The following BMAL2 variants were observed in gnomAD, a reference collection of about 807,000 sequenced individuals.
BMAL2 encodes the protein basic helix-loop-helix ARNT-like protein 2.
chr12:27,419,267 G>A, the BMAL2 span, among the ~76,000 whole-genome samples: 1 of 152,202 alleles, frequency 6.6e-6, no homozygotes, highest in African/African-American at 2.4e-5. Flanking sequence ...TACCACAGAT[G>A]GAGTAATTTG....
chr12:27,415,513 C>T, the BMAL2 span, among the ~76,000 whole-genome samples: 1 of 152,154 alleles, frequency 6.6e-6, no homozygotes, highest in Non-Finnish European at 1.5e-5. Context: ...TCTTTCCTTA[C>T]TCTTGGTTCT....
chr12:27,415,875 G>T, the BMAL2 span: 1 of 1,603,582 alleles, frequency 6.2e-7, no homozygotes, highest in South Asian at 1.1e-5. Flanking sequence ...AAAGGTTACA[G>T]TCTTCTTCAT....
the BMAL2 span, chr12:27,420,253 C>T: frequency 1.0e-6 from 1 of 974,320 alleles, no homozygotes; most frequent in Non-Finnish European, 1.5e-6. Flanking sequence ...AAGATATATA[C>T]TTTGCCTTCA....
the BMAL2 span, among the ~76,000 whole-genome samples, chr12:27,336,676 C>T: frequency 7.8e-4 from 118 of 152,198 alleles, no homozygotes; most frequent in Admixed American, 3.3e-4. Context: ...CCTGGCTGGG[C>T]GCGGTGGCTC....
At chr12:27,400,116 T>C in the BMAL2 span, among the ~76,000 whole-genome samples, 1 of 152,266 alleles carries the variant, frequency 6.6e-6, no homozygotes, top group South Asian at 2.1e-4. Flanking sequence ...TAAATGTCTT[T>C]TTAAAGTTTT....
the BMAL2 span, among the ~76,000 whole-genome samples, chr12:27,350,235 A>G: frequency 1.3e-5 from 2 of 152,228 alleles, no homozygotes; most frequent in African/African-American, 2.4e-5. Context: ...GATGCTTTCA[A>G]TCAGTTATCA....
the BMAL2 span, among the ~76,000 whole-genome samples, chr12:27,412,882 T>C: frequency 6.6e-6 from 1 of 151,686 alleles, no homozygotes. Context: ...TTTGAAAGCA[T>C]GAAGAGAAAA....
the BMAL2 span, among the ~76,000 whole-genome samples, chr12:27,356,184 C>G: frequency 6.6e-6 from 1 of 152,132 alleles, no homozygotes; most frequent in Non-Finnish European, 1.5e-5. Flanking sequence ...GAATGACTGG[C>G]CTCTTATCTG....
At chr12:27,418,177 C>T in the BMAL2 span, 3 of 1,610,008 alleles carry the variant, frequency 1.9e-6, no homozygotes, top group East Asian at 4.5e-5. Context: ...TTGCTGTCCA[C>T]AGCCATGAGC....
chr12:27,366,578 TTC>T, the BMAL2 span, among the ~76,000 whole-genome samples: 2 of 152,224 alleles, frequency 1.3e-5, no homozygotes, highest in Admixed American at 6.5e-5. Flanking sequence ...GGTTCAGTTA[TTC>T]TGATTTTTAT....
the BMAL2 span, chr12:27,368,246 A>G: frequency 1.1e-5 from 17 of 1,613,294 alleles, no homozygotes; most frequent in Non-Finnish European, 1.4e-5. Flanking sequence ...GTCTTGTTGT[A>G]CTCTGCTGCC....
the BMAL2 span, among the ~76,000 whole-genome samples, chr12:27,379,544 G>A: frequency 6.6e-6 from 1 of 152,150 alleles, no homozygotes; most frequent in Admixed American, 6.5e-5. Flanking sequence ...AGGACCAGGA[G>A]GCAGAGAGGC....
the BMAL2 span, among the ~76,000 whole-genome samples, chr12:27,335,202 CTTTGT>C: frequency 1.6e-4 from 24 of 152,110 alleles, no homozygotes; most frequent in Admixed American, 2.6e-4. Flanking sequence ...TTTTGTTTTG[CTTTGT>C]TTTGTTTTGT....
chr12:27,370,899 C>T, the BMAL2 span, among the ~76,000 whole-genome samples: 4 of 151,626 alleles, frequency 2.6e-5, no homozygotes, highest in Admixed American at 6.6e-5. Context: ...CCACCGCACC[C>T]GGCTGGAGAG....
the BMAL2 span, among the ~76,000 whole-genome samples, chr12:27,353,955 A>G: frequency 6.6e-6 from 1 of 152,158 alleles, no homozygotes; most frequent in East Asian, 1.9e-4. Flanking sequence ...GGGAACACTG[A>G]CACACTACTG....
the BMAL2 span, among the ~76,000 whole-genome samples, chr12:27,337,362 G>A: frequency 6.6e-6 from 1 of 152,152 alleles, no homozygotes; most frequent in Non-Finnish European, 1.5e-5. Flanking sequence ...TATTTTCCAA[G>A]CATATCACAG....
chr12:27,376,898 GA>G, the BMAL2 span, among the ~76,000 whole-genome samples: 4 of 150,646 alleles, frequency 2.7e-5, no homozygotes, highest in African/African-American at 7.3e-5. Context: ...TACTCGGGGG[GA>G]CTGAGGCAGG....
chr12:27,367,537 A>G, the BMAL2 span, among the ~76,000 whole-genome samples: 2 of 152,212 alleles, frequency 1.3e-5, no homozygotes, highest in Non-Finnish European at 2.9e-5. Context: ...AAAGGATTGT[A>G]ACATTGGTTT....
At chr12:27,404,674 G>A in the BMAL2 span, among the ~76,000 whole-genome samples, 1 of 152,346 alleles carries the variant, frequency 6.6e-6, no homozygotes, top group African/African-American at 2.4e-5. Context: ...CCCAGCATGA[G>A]CGACACAGAA....
Sources: gnomAD v4.1 joint callset for allele counts (sites outside exome capture counted in the v4.1 genomes callset) on GRCh38, gnomAD v4.1.1 for gene constraint, MANE v1.5 for transcripts, NCBI Gene and HGNC (gene_info 2026-07-23, HGNC 2026-07-21) for gene names.